Variants in HMGCLL1 observed in about 807,000 individuals in gnomAD.
HMGCLL1 encodes the protein 3-hydroxymethyl-3-methylglutaryl-CoA lyase, cytoplasmic.
HMGCLL1 carries 36 observed loss-of-function variants against 39.1 expected under a neutral mutation model. That is an observed-to-expected ratio of 0.92 (90% confidence interval 0.71 to 1.22). The LOEUF is 1.22. HMGCLL1 is among the 50% of genes most tolerant of loss of function. The pLI, the probability that HMGCLL1 is intolerant of heterozygous loss-of-function variation, is 0.00. For synonymous variants in HMGCLL1, 149 were observed against 144.0 expected (o/e 1.03, Z -0.25); for missense variants, 451 against 416.5 (o/e 1.08, Z -0.72).
At chr6:55,639,520 T>C in the HMGCLL1 span, among the ~76,000 whole-genome samples, 1 of 151,896 alleles carries the variant, frequency 6.6e-6, no homozygotes, top group Non-Finnish European at 1.5e-5. Context: ...TATTTTTGTT[T>C]ATTGATAAGG....
chr6:55,605,502 T>G, the HMGCLL1 span, among the ~76,000 whole-genome samples: 1 of 152,216 alleles, frequency 6.6e-6, no homozygotes, highest in Non-Finnish European at 1.5e-5. Flanking sequence ...AACATCCTTG[T>G]AATATATTTA....
intron 7 of HMGCLL1, among the ~76,000 whole-genome samples, chr6:55,447,422 C>A (rs893956817): frequency 1.3e-5 from 2 of 151,870 alleles, no homozygotes; most frequent in Non-Finnish European, 2.9e-5. Flanking sequence ...AATGACTAAG[C>A]TAATGTGATT....
At chr6:55,662,274 T>C in the HMGCLL1 span, among the ~76,000 whole-genome samples, 1 of 151,764 alleles carries the variant, frequency 6.6e-6, no homozygotes, top group South Asian at 2.1e-4. Context: ...TGATTTTAAG[T>C]GGGAATTCTT....
At chr6:55,469,600 C>G (rs1764958702) in intron 7 of HMGCLL1, among the ~76,000 whole-genome samples, 1 of 150,580 alleles carries the variant, frequency 6.6e-6, no homozygotes, top group Non-Finnish European at 1.5e-5. Flanking sequence ...TGAGAGTTAG[C>G]GAAGTCGAGA....
At chr6:55,478,087 G>GT (rs11372906) in intron 7 of HMGCLL1, among the ~76,000 whole-genome samples, 81,388 of 143,080 alleles carry the variant, frequency 0.57, 24,058 homozygotes, top group East Asian at 0.73. Flanking sequence ...GTGAGGTTCT[G>GT]TTTTTTTTTT....
chr6:55,627,900 GTATATATACTA>G, the HMGCLL1 span, among the ~76,000 whole-genome samples: 1 of 11,298 alleles, frequency 8.9e-5, no homozygotes, highest in African/African-American at 3.3e-4. Context: ...TATATATATA[GTATATATACTA>G]TATATATATA....
At chr6:55,524,110 T>C (rs1768184776) in intron 3 of HMGCLL1, among the ~76,000 whole-genome samples, 1 of 151,906 alleles carries the variant, frequency 6.6e-6, no homozygotes, top group Non-Finnish European at 1.5e-5. Context: ...ACATTACTAA[T>C]AATGAATTAT....
chr6:55,603,753 CAA>C, the HMGCLL1 span, among the ~76,000 whole-genome samples: 2 of 151,996 alleles, frequency 1.3e-5, no homozygotes, highest in Non-Finnish European at 2.9e-5. Flanking sequence ...CTGAAAAAAC[CAA>C]AGTTATATAA....
intron 6 of HMGCLL1, 65 bp downstream of exon 6, chr6:55,499,171 G>T: frequency 8.0e-7 from 1 of 1,252,546 alleles, no homozygotes; most frequent in Non-Finnish European, 1.1e-6. Flanking sequence ...TATTAAGAAA[G>T]CCCCCTTTTA....
At chr6:55,495,681 A>T in intron 6 of HMGCLL1, 74 bp from the exon 7 acceptor site, 1 of 1,096,912 alleles carries the variant, frequency 9.1e-7, no homozygotes, top group South Asian at 1.9e-5. Context: ...CACAACTAAC[A>T]TCATCTAAAG....
At chr6:55,495,923 T>C (rs532404861) in intron 6 of HMGCLL1, among the ~76,000 whole-genome samples, 17 of 152,274 alleles carry the variant, frequency 1.1e-4, no homozygotes, top group Non-Finnish European at 2.2e-4. Context: ...GAGGCGTATG[T>C]TTCTCAACAC....
At chr6:55,626,637 A>G in the HMGCLL1 span, among the ~76,000 whole-genome samples, 1 of 152,072 alleles carries the variant, frequency 6.6e-6, no homozygotes, top group African/African-American at 2.4e-5. Flanking sequence ...CATCACCCGT[A>G]GTGATCCACT....
chr6:55,665,299 A>G, the HMGCLL1 span, among the ~76,000 whole-genome samples: 3 of 151,770 alleles, frequency 2.0e-5, no homozygotes, highest in African/African-American at 7.2e-5. Flanking sequence ...TGAAAAATAT[A>G]ATAGATAATC....
the HMGCLL1 span, among the ~76,000 whole-genome samples, chr6:55,630,777 G>A: frequency 5.3e-5 from 8 of 151,454 alleles, no homozygotes; most frequent in Admixed American, 1.3e-4. Context: ...TGCCTGCCCC[G>A]CTCCATGTGA....
chr6:55,677,840 C>A, the HMGCLL1 span, among the ~76,000 whole-genome samples: 1 of 152,210 alleles, frequency 6.6e-6, no homozygotes, highest in East Asian at 1.9e-4. Context: ...CTAATTTTCA[C>A]ATTTATCCAA....
At chr6:55,579,907 C>G (rs1279869916), upstream of HMGCLL1, among the ~76,000 whole-genome samples, 1 of 152,216 alleles carries the variant, frequency 6.6e-6, no homozygotes, top group Non-Finnish European at 1.5e-5. Flanking sequence ...GACCACCGGC[C>G]TACCTTCCCC....
intron 4 of HMGCLL1, 57 bp from the exon 5 acceptor site, chr6:55,514,253 T>A: frequency 7.3e-7 from 1 of 1,365,718 alleles, no homozygotes; most frequent in Non-Finnish European, 1.0e-6. Context: ...TGAATGACAG[T>A]GGTAGAATAA....
chr6:55,556,851 G>T (rs1020862886), intron 1 of HMGCLL1, among the ~76,000 whole-genome samples: 4 of 152,116 alleles, frequency 2.6e-5, no homozygotes, highest in Admixed American at 2.6e-4. Context: ...CTGACTCCCA[G>T]GCTGGGCAGG....
At chr6:55,673,492 G>A in the HMGCLL1 span, among the ~76,000 whole-genome samples, 1 of 151,978 alleles carries the variant, frequency 6.6e-6, no homozygotes, top group Non-Finnish European at 1.5e-5. Context: ...GTAAAAACAA[G>A]TTGGGAATAA....
Sources: allele counts gnomAD v4.1 joint callset (sites outside exome capture counted in the v4.1 genomes callset), GRCh38; gene constraint gnomAD v4.1.1; transcripts MANE v1.5; gene names NCBI Gene and HGNC (gene_info 2026-07-23, HGNC 2026-07-21).